The following FAM135B variants were observed in gnomAD, a reference collection of about 807,000 sequenced individuals.
The protein encoded by FAM135B is protein FAM135B.
FAM135B carries 43 observed loss-of-function variants against 127.7 expected under a neutral mutation model. The ratio of observed to expected loss-of-function variants is 0.34; its 90% CI spans 0.26 to 0.43. The LOEUF is 0.43. Among genes scored for constraint, FAM135B ranks in the 20% least tolerant of loss-of-function variants. The pLI, the probability that FAM135B is intolerant of heterozygous loss-of-function variation, is 1.00. For missense variants in FAM135B, 1,558 were observed against 1,725.6 expected (o/e 0.90, Z 1.72); for synonymous variants, 670 against 665.1 (o/e 1.01, Z -0.11).
chr8:138,396,576 A>G (rs548038823), intron 1 of FAM135B, among the ~76,000 whole-genome samples: 95 of 152,310 alleles, frequency 6.2e-4, no homozygotes, highest in Non-Finnish European at 9.8e-4. Flanking sequence ...TCGAAATTTT[A>G]CAGCAATTGT....
chr8:138,453,395 C>A (rs538835997), intron 1 of FAM135B, among the ~76,000 whole-genome samples: 1 of 149,524 alleles, frequency 6.7e-6, no homozygotes, highest in Admixed American at 6.6e-5. Flanking sequence ...AAATTCCTGC[C>A]CCTGTCTTCT....
intron 4 of FAM135B, among the ~76,000 whole-genome samples, chr8:138,264,329 G>C (rs903560784): frequency 1.3e-5 from 2 of 152,168 alleles, no homozygotes; most frequent in African/African-American, 4.8e-5. Flanking sequence ...CTGAGTTCTT[G>C]ACATTCTCAC....
At chr8:138,167,320 C>T (rs1041042722) in intron 12 of FAM135B, among the ~76,000 whole-genome samples, 4 of 152,124 alleles carry the variant, frequency 2.6e-5, no homozygotes, top group Non-Finnish European at 5.9e-5. Context: ...CTCAGCCTCC[C>T]AAGTAGCTGG....
intron 7 of FAM135B, among the ~76,000 whole-genome samples, chr8:138,206,446 CATCT>C (rs1817624276): frequency 6.6e-6 from 1 of 150,636 alleles, no homozygotes; most frequent in East Asian, 2.0e-4. Context: ...TCATCCCCTC[CATCT>C]ACACACAACT....
At chr8:138,471,920 G>A (rs1435443685) in intron 1 of FAM135B, among the ~76,000 whole-genome samples, 1 of 152,098 alleles carries the variant, frequency 6.6e-6, no homozygotes, top group Non-Finnish European at 1.5e-5. Context: ...GTGAAGAGAA[G>A]TGATTCACAG....
intron 3 of FAM135B, among the ~76,000 whole-genome samples, chr8:138,266,627 G>GTATATA (rs1045833199): frequency 6.8e-6 from 1 of 147,702 alleles, no homozygotes; most frequent in African/African-American, 2.5e-5. Context: ...GTATATATGT[G>GTATATA]TATATATATA....
intron 2 of FAM135B, among the ~76,000 whole-genome samples, chr8:138,335,352 T>C (rs977132922): frequency 2.0e-5 from 3 of 152,156 alleles, no homozygotes; most frequent in Non-Finnish European, 4.4e-5. Flanking sequence ...TTTGTGTAAA[T>C]TAAAAGAGTT....
chr8:138,490,299 A>G lies in FAM135B; in HGVS notation c.-20+6372T>C, dbSNP rs527482165. Among the ~76,000 whole-genome samples, 10 of 152,344 alleles carry G rather than the reference A, an allele frequency of 6.6e-5. No individual in the cohort carries two copies. The East Asian group carries it at 1.5e-3, about 24-fold the overall frequency. On this transcript the variant is annotated intron_variant, in intron 1 of 19. Coordinates refer to ENST00000395297, the MANE Select transcript of FAM135B (RefSeq NM_015912.4). ...AAGATAAAACCTAGTTCTTAATCTCATAAGTACAGAGTCTAGGAGGGACTC... is the reference window on the plus strand; with the variant it reads ...AAGATAAAACCTAGTTCTTAATCTCGTAAGTACAGAGTCTAGGAGGGACTC...
intron 6 of FAM135B, among the ~76,000 whole-genome samples, chr8:138,247,291 C>A (rs1198125020): frequency 1.3e-5 from 2 of 152,166 alleles, no homozygotes; most frequent in African/African-American, 4.8e-5. Flanking sequence ...TGTCTCTACC[C>A]AAAGCTCATC....
At chr8:138,375,228 AC>A (rs1702086476) in intron 1 of FAM135B, among the ~76,000 whole-genome samples, 2 of 145,238 alleles carry the variant, frequency 1.4e-5, no homozygotes, top group African/African-American at 2.6e-5. Flanking sequence ...ACAAGAAATC[AC>A]TTCTGAGAAG....
intron 7 of FAM135B, among the ~76,000 whole-genome samples, chr8:138,220,313 T>C (rs1818928616): frequency 6.6e-6 from 1 of 152,152 alleles, no homozygotes; most frequent in Non-Finnish European, 1.5e-5. Context: ...GTAATTCAAA[T>C]GTCACTCTAA....
intron 2 of FAM135B, among the ~76,000 whole-genome samples, chr8:138,346,053 C>T (rs1829388681): frequency 6.6e-6 from 1 of 152,264 alleles, no homozygotes; most frequent in Non-Finnish European, 1.5e-5. Flanking sequence ...CACATGAAAA[C>T]AAGCTCAACA....
At chr8:138,158,832 A>T (rs2130837264) in intron 12 of FAM135B, among the ~76,000 whole-genome samples, 1 of 152,318 alleles carries the variant, frequency 6.6e-6, no homozygotes, top group South Asian at 2.1e-4. Flanking sequence ...GAACACTTTT[A>T]CACTGTTGGT....
intron 3 of FAM135B, among the ~76,000 whole-genome samples, chr8:138,292,905 A>G (rs558297141): frequency 9.9e-5 from 15 of 152,214 alleles, no homozygotes; most frequent in African/African-American, 3.4e-4. Context: ...AAAAAATCCT[A>G]AACTTCATGT....
At chr8:138,442,669 C>G (rs1367770694) in intron 1 of FAM135B, among the ~76,000 whole-genome samples, 1 of 151,960 alleles carries the variant, frequency 6.6e-6, no homozygotes, top group Non-Finnish European at 1.5e-5. Context: ...GATGTTATCC[C>G]AGGCACTCCA....
At chr8:138,331,293 G>C (rs1490948024) in intron 2 of FAM135B, among the ~76,000 whole-genome samples, 5 of 152,166 alleles carry the variant, frequency 3.3e-5, no homozygotes, top group African/African-American at 1.2e-4. Context: ...AGGCATTCAA[G>C]TTGCTAATCA....
At chr8:138,476,462 A>T (rs868573150) in intron 1 of FAM135B, among the ~76,000 whole-genome samples, 7 of 145,554 alleles carry the variant, frequency 4.8e-5, no homozygotes, top group African/African-American at 1.6e-4. Flanking sequence ...GGGATGGGGG[A>T]TGTGGGGTAT....
intron 2 of FAM135B, among the ~76,000 whole-genome samples, chr8:138,356,638 T>C (rs1587214080): frequency 1.3e-5 from 2 of 152,136 alleles, no homozygotes; most frequent in African/African-American, 2.4e-5. Flanking sequence ...GAACACAATG[T>C]ATGATGGTGA....
At chr8:138,423,681 G>T (rs578234883) in intron 1 of FAM135B, among the ~76,000 whole-genome samples, 1 of 152,220 alleles carries the variant, frequency 6.6e-6, no homozygotes, top group East Asian at 1.9e-4. Context: ...TGAAGTTTCG[G>T]GCACACATTT....
Sources: allele counts gnomAD v4.1 joint callset (sites outside exome capture counted in the v4.1 genomes callset), GRCh38; gene constraint gnomAD v4.1.1; transcripts MANE v1.5; gene names NCBI Gene and HGNC (gene_info 2026-07-23, HGNC 2026-07-21).